The following DLC1 variants were observed in gnomAD, a reference collection of about 807,000 sequenced individuals.
DLC1 encodes the protein DLC1 Rho GTPase activating protein.
DLC1 carries 54 observed loss-of-function variants against 140.3 expected under a neutral mutation model. The observed-to-expected ratio is 0.38, with a 90% confidence interval of 0.31 to 0.48. The LOEUF is 0.48. Among genes scored for constraint, DLC1 ranks in the 20% least tolerant of loss-of-function variants. DLC1 has a pLI of 0.96. For synonymous variants in DLC1, 986 were observed against 728.1 expected (o/e 1.35, Z -5.70); for missense variants, 2,536 against 1,907.0 (o/e 1.33, Z -6.14).
At chr8:13,118,894 T>G (rs947682010) in intron 5 of DLC1, among the ~76,000 whole-genome samples, 3 of 152,104 alleles carry the variant, frequency 2.0e-5, no homozygotes, top group Non-Finnish European at 4.4e-5. Flanking sequence ...GTATTAATCT[T>G]CTCTCTCCTT....
At chr8:13,325,446 GTATACACACACACA>G (rs1397840466) in intron 4 of DLC1, among the ~76,000 whole-genome samples, 1 of 26,808 alleles carries the variant, frequency 3.7e-5, no homozygotes, top group African/African-American at 1.1e-4. Flanking sequence ...CAATAGTTCT[GTATACACACACACA>G]CACACACACA....
At chr8:13,232,890 A>G (rs926977521) in intron 5 of DLC1, among the ~76,000 whole-genome samples, 3 of 152,346 alleles carry the variant, frequency 2.0e-5, no homozygotes, top group Admixed American at 6.5e-5. Flanking sequence ...TTGTAAAAAC[A>G]CAAAGTAAAT....
At chr8:13,215,726 C>G (rs1248971748) in intron 5 of DLC1, among the ~76,000 whole-genome samples, 1 of 152,168 alleles carries the variant, frequency 6.6e-6, no homozygotes, top group Non-Finnish European at 1.5e-5. Context: ...ACTTCATAAT[C>G]CATATTTTCT....
intron 1 of DLC1, among the ~76,000 whole-genome samples, chr8:13,501,928 T>G (rs1220332738): frequency 6.6e-6 from 1 of 151,998 alleles, no homozygotes; most frequent in Non-Finnish European, 1.5e-5. Flanking sequence ...GGTAATAGGG[T>G]TTTAGATACT....
At chr8:13,522,158 G>A (rs79217369) in intron 1 of DLC1, among the ~76,000 whole-genome samples, 1 of 152,118 alleles carries the variant, frequency 6.6e-6, no homozygotes, top group Non-Finnish European at 1.5e-5. Flanking sequence ...TGCGCAGTGG[G>A]GTATGGCATC....
intron 5 of DLC1, among the ~76,000 whole-genome samples, chr8:13,120,776 T>A (rs552870034): frequency 2.7e-4 from 41 of 152,290 alleles, no homozygotes; most frequent in African/African-American, 9.4e-4. Flanking sequence ...ATTAGATGGA[T>A]GAGTCCCGGA....
chr8:13,148,874 G>A (rs1041904056), intron 5 of DLC1, among the ~76,000 whole-genome samples: 25 of 152,008 alleles, frequency 1.6e-4, no homozygotes, highest in African/African-American at 5.8e-4. Flanking sequence ...CTCACTGCAA[G>A]CTCCGCCTCC....
chr8:13,507,088 G>A (rs1394852773), intron 1 of DLC1, among the ~76,000 whole-genome samples: 1 of 152,144 alleles, frequency 6.6e-6, no homozygotes, highest in Non-Finnish European at 1.5e-5. Flanking sequence ...TTCAACTCAT[G>A]TCAAAGTAAA....
intron 1 of DLC1, among the ~76,000 whole-genome samples, chr8:13,509,765 G>T (rs1463734648): frequency 1.3e-5 from 2 of 152,076 alleles, no homozygotes; most frequent in Non-Finnish European, 2.9e-5. Context: ...CTGGTGGGCA[G>T]GAATTGTCTC....
chr8:13,106,752 G>T (rs1819599174), intron 7 of DLC1, among the ~76,000 whole-genome samples: 1 of 152,212 alleles, frequency 6.6e-6, no homozygotes, highest in African/African-American at 2.4e-5. Flanking sequence ...AGTGAATACT[G>T]CAGGTGACAG....
intron 5 of DLC1, among the ~76,000 whole-genome samples, chr8:13,127,000 G>A (rs1270299088): frequency 6.6e-6 from 1 of 152,126 alleles, no homozygotes; most frequent in Admixed American, 6.5e-5. Context: ...TGAAAATATG[G>A]CAGGTACTTG....
chr8:13,190,581 A>G (rs890582812), intron 5 of DLC1, among the ~76,000 whole-genome samples: 4 of 152,242 alleles, frequency 2.6e-5, no homozygotes, highest in African/African-American at 9.6e-5. Context: ...GAGAAAGGCA[A>G]AAGTCATAAA....
intron 4 of DLC1, among the ~76,000 whole-genome samples, chr8:13,311,302 A>G (rs1832656490): frequency 6.6e-6 from 1 of 152,132 alleles, no homozygotes; most frequent in African/African-American, 2.4e-5. Context: ...GTACTATACC[A>G]TTCTTCATAA....
rs73557966 is a variant in DLC1 at position 13,276,234 on chromosome 8, C to G, written c.1348+29035G>C. ...TTTTCTTTTTAATACCCCTCACCCCCGGTCTCCAATCCCCCTCTGCCTCTC... is the reference window on the plus strand; with the variant it reads ...TTTTCTTTTTAATACCCCTCACCCCGGGTCTCCAATCCCCCTCTGCCTCTC... On this transcript the variant is annotated intron_variant, in intron 5 of 17. Coordinates refer to ENST00000276297, the MANE Select transcript of DLC1 (RefSeq NM_182643.3). 5,442 of 1,534,194 alleles carry G rather than the reference C, an allele frequency of 3.5e-3. 148 individuals are homozygous for G. The African/African-American group carries it at 0.064, about 18-fold the overall frequency.
At chr8:13,506,760 T>C (rs1306366123) in intron 1 of DLC1, among the ~76,000 whole-genome samples, 3 of 151,800 alleles carry the variant, frequency 2.0e-5, no homozygotes. Flanking sequence ...GTAAGGGAAA[T>C]AATCTCATGT....
At chr8:13,095,627 T>C (rs976890437) in intron 10 of DLC1, 11 of 193,688 alleles carry the variant, frequency 5.7e-5, no homozygotes, top group African/African-American at 2.3e-4. Context: ...AGGAAGCTGA[T>C]GGATTTCCTT....
chr8:13,100,216 C>T lies in DLC1; in HGVS notation c.2121G>A (p.Lys707=), dbSNP rs766468499. The change falls in exon 9 of 18, where the codon AAG becomes AAA. Residue 707 remains lysine, a synonymous_variant. Coordinates refer to ENST00000276297, the MANE Select transcript of DLC1 (RefSeq NM_182643.3). ...PILQEGMDEE[K]LKQLNCVEIS... Reference sequence around the variant, plus strand: ...TCTCCACGCAGTTGAGCTGCTTCAGCTTCTCCTCATCCATCCCCTCTTGCA... The same window carrying T: ...TCTCCACGCAGTTGAGCTGCTTCAGTTTCTCCTCATCCATCCCCTCTTGCA... 1.9e-6 allele frequency: 3 copies of T among 1,614,198 alleles called. No individual in the cohort carries two copies. The Admixed American group carries it at 5.0e-5, about 27-fold the overall frequency.
At chr8:13,203,978 A>T (rs1176550147) in intron 5 of DLC1, among the ~76,000 whole-genome samples, 1 of 152,150 alleles carries the variant, frequency 6.6e-6, no homozygotes, top group African/African-American at 2.4e-5. Flanking sequence ...ACTTCATAGC[A>T]TTAGTAACTT....
chr8:13,389,779 G>C (rs756107134), intron 4 of DLC1, among the ~76,000 whole-genome samples: 1 of 151,962 alleles, frequency 6.6e-6, no homozygotes, highest in Non-Finnish European at 1.5e-5. Context: ...TTGTTACTGT[G>C]GTCACTACTA....
Sources: allele counts gnomAD v4.1 joint callset (sites outside exome capture counted in the v4.1 genomes callset), GRCh38; gene constraint gnomAD v4.1.1; transcripts MANE v1.5; gene names NCBI Gene and HGNC (gene_info 2026-07-23, HGNC 2026-07-21).